Variants in TAB3 observed in about 807,000 individuals in gnomAD.
The protein encoded by TAB3 is TGF-beta activated kinase 1 (MAP3K7) binding protein 3, also known as TGF-beta-activated kinase 1 and MAP3K7-binding protein 3.
TAB3 carries 18 observed loss-of-function variants against 48.1 expected under a neutral mutation model. The ratio of observed to expected loss-of-function variants is 0.37; its 90% CI spans 0.26 to 0.55. The LOEUF (loss-of-function observed/expected upper bound fraction) is 0.55, where lower values mean the gene tolerates loss of function less well. TAB3 is among the 20% of genes least tolerant of loss of function. The probability of loss-of-function intolerance (pLI) is 0.78; values close to 1 mark genes in which losing one functional copy is unlikely to be tolerated. For synonymous variants in TAB3, 185 were observed against 190.2 expected (o/e 0.97, Z 0.22); for missense variants, 414 against 549.8 (o/e 0.75, Z 2.47).
rs201000757 is a variant in TAB3, at chrX:30,839,401, A to AT, written c.1888+3564dup. On this transcript the variant is annotated intron_variant, in intron 9 of 10. Coordinates refer to ENST00000288422, the MANE Select transcript of TAB3 (RefSeq NM_152787.5). ...TATATAGTGACTATAAGTCAATGAG[A>AT]TAGAAAACAGAATTATGGATTTTTT... is the stretch of plus-strand genomic sequence containing the variant. Among the ~76,000 whole-genome samples, 946 of 112,190 alleles carry AT rather than the reference A, an allele frequency of 8.4e-3. 5 individuals carry two copies. Among genetic ancestry groups the AT allele is most frequent in the African/African-American group, 0.029 (891 of 30,862 alleles).
At chrX:30,851,242 A>ACT (rs907089897) in intron 7 of TAB3, among the ~76,000 whole-genome samples, 1 of 111,208 alleles carries the variant, frequency 9.0e-6, no homozygotes, top group Non-Finnish European at 1.9e-5. Flanking sequence ...ATTTCTCAAG[A>ACT]CTCTCTCTCT....
intron 9 of TAB3, 64 bp from the exon 10 acceptor site, chrX:30,834,216 G>T (rs1601793596): frequency 1.7e-5 from 17 of 1,016,695 alleles, no homozygotes; most frequent in Middle Eastern, 2.7e-4. Flanking sequence ...GAGTGAACAG[G>T]CTCACAAGAT....
chrX:30,830,566 G>A lies in TAB3; in HGVS notation c.*861C>T, dbSNP rs1385247174. On this transcript the variant is annotated 3_prime_UTR_variant, in exon 11 of 11. Coordinates refer to ENST00000288422, the MANE Select transcript of TAB3 (RefSeq NM_152787.5). ...TTGGCATACATTCACTGTGCTACTG[G>A]CAAAGCGCAGTTTTACGAGAATATC... 8.9e-6 allele frequency: 1 copy of A among 112,374 alleles called. No individual in the cohort carries two copies. The highest frequency in any genetic ancestry group is 1.9e-5 in the Non-Finnish European group (1 of 53,235). The allele number at this position is 112,374 out of a possible 1,213,427, so 9.3% of individuals were successfully genotyped here. A position where few individuals can be genotyped will look rare whatever the true frequency, so the allele number is the denominator to read the frequency against.
At chrX:30,862,539 C>T (rs1283224333) in intron 4 of TAB3, among the ~76,000 whole-genome samples, 2 of 111,704 alleles carry the variant, frequency 1.8e-5, no homozygotes, top group Non-Finnish European at 3.8e-5. Context: ...CTTCAGAGAT[C>T]TTGAGAGCGG....
At chrX:30,847,656 T>C (rs1938674437) in intron 7 of TAB3, among the ~76,000 whole-genome samples, 1 of 111,032 alleles carries the variant, frequency 9.0e-6, no homozygotes, top group African/African-American at 3.3e-5. Context: ...TCTGCTACTA[T>C]AGGAAGACAG....
rs375736651 is a variant in TAB3, at chrX:30,843,070, T to A, written c.1805-21A>T. ...GTTTCCTATAAAGAAAGTAAATTCA[T>A]CAGGCATTTAAGAACTCTTTTTTCC... is the stretch of plus-strand genomic sequence containing the variant. On this transcript the variant is annotated intron_variant, in intron 8 of 10. Transcript: ENST00000288422. 7.3e-6 allele frequency: 7 copies of A among 956,271 alleles called. No homozygotes were observed. The African/African-American group carries it at 9.8e-5, about 13-fold the overall frequency. 78.8% of individuals were successfully genotyped at this position (956,271 alleles called of 1,213,427 possible).
At chrX:30,875,416 G>A (rs1939798492) in intron 1 of TAB3, among the ~76,000 whole-genome samples, 1 of 111,003 alleles carries the variant, frequency 9.0e-6, no homozygotes, top group Non-Finnish European at 1.9e-5. Context: ...AATGTTCATT[G>A]ATTAGGTTGT....
chrX:30,868,494 T>G lies in TAB3; in HGVS notation c.-279-945A>C. On this transcript the variant is annotated intron_variant, in intron 2 of 10. Transcript: ENST00000288422. ...TATATATATAGCTTATATATATATA[T>G]AGCTTATATATATATATATAGCTTA... Among the ~76,000 whole-genome samples, 2 of 16,388 alleles carry G rather than the reference T, an allele frequency of 1.2e-4. 1 individual carries two copies. Among genetic ancestry groups the G allele is most frequent in the Non-Finnish European group, 1.9e-4 (2 of 10,321 alleles). The allele number at this position is 16,388 out of a possible 115,157, so 14.2% of individuals were successfully genotyped here.
chrX:30,859,747 A>G, intron 4 of TAB3, 69 bp from the exon 5 acceptor site: 2 of 447,548 alleles, frequency 4.5e-6, no homozygotes, highest in African/African-American at 2.5e-5. Flanking sequence ...TATTGATCCT[A>G]TACATCTCAG....
Position 30,852,771 on chromosome X carries a change from C to T in TAB3, c.1710+7G>A, listed in dbSNP as rs1938904957. The T allele has an allele frequency of 1.7e-6, 2 of 1,207,293 alleles. No individual in the cohort carries two copies. Among genetic ancestry groups the T allele is most frequent in the East Asian group, 5.9e-5 (2 of 33,767 alleles). ...CTCCTATTAACACATCCTAACAGAT[C>T]ACTTACCGTAGGGATCGCAGTGGTG... On this transcript the variant is annotated splice_region_variant and intron_variant, in intron 7 of 10. Coordinates refer to ENST00000288422, the MANE Select transcript of TAB3 (RefSeq NM_152787.5).
chrX:30,829,714 C>T lies in TAB3; in HGVS notation c.*1713G>A, dbSNP rs1369706022. On this transcript the variant is annotated 3_prime_UTR_variant, in exon 11 of 11. Transcript: ENST00000288422. The stretch of plus-strand genomic sequence containing the variant: ...CACATATGAAAAAATGTTTTCAAAG[C>T]TGTAGGCAGAGTGTGAAATGATTCT... 9.0e-6 allele frequency: 1 copy of T among 110,777 alleles called. No individual in the cohort carries two copies. The highest frequency in any genetic ancestry group is 1.9e-5 in the Non-Finnish European group (1 of 52,917). 9.1% of individuals were successfully genotyped at this position (110,777 alleles called of 1,213,427 possible). A position where few individuals can be genotyped will look rare whatever the true frequency, so the allele number is the denominator to read the frequency against.
At chrX:30,848,969 C>T (rs1216524639) in intron 7 of TAB3, among the ~76,000 whole-genome samples, 1 of 110,996 alleles carries the variant, frequency 9.0e-6, no homozygotes, top group Non-Finnish European at 1.9e-5. Context: ...TGGCAGCTTT[C>T]TGCATATTAA....
chrX:30,847,797 G>C (rs959527460), intron 7 of TAB3, among the ~76,000 whole-genome samples: 1 of 111,414 alleles, frequency 9.0e-6, no homozygotes, highest in Non-Finnish European at 1.9e-5. Flanking sequence ...CAGAGTAACT[G>C]AGAATGCCCA....
At chrX:30,868,538 TTATA>T (rs1223730766) in intron 2 of TAB3, among the ~76,000 whole-genome samples, 8 of 2,235 alleles carry the variant, frequency 3.6e-3, no homozygotes, top group South Asian at 0.017. Context: ...TATATATAGC[TTATA>T]TATATATATA....
intron 1 of TAB3, among the ~76,000 whole-genome samples, chrX:30,879,714 T>C (rs959724895): frequency 9.0e-6 from 1 of 111,658 alleles, no homozygotes; most frequent in African/African-American, 3.2e-5. Flanking sequence ...TTACTACTTC[T>C]ATTCTGCATT....
chrX:30,848,137 T>C (rs765833075), intron 7 of TAB3, among the ~76,000 whole-genome samples: 7 of 111,937 alleles, frequency 6.3e-5, no homozygotes, highest in Non-Finnish European at 1.3e-4. Flanking sequence ...ATCTATTCCA[T>C]AGGTTTTAGG....
chrX:30,841,674 G>A (rs1165707994), intron 9 of TAB3, among the ~76,000 whole-genome samples: 1 of 111,366 alleles, frequency 9.0e-6, no homozygotes, highest in African/African-American at 3.3e-5. Context: ...ATACTCTCTG[G>A]TAATTTTTTT....
At chrX:30,832,257 C>A (rs775113718) in intron 10 of TAB3, among the ~76,000 whole-genome samples, 8 of 112,197 alleles carry the variant, frequency 7.1e-5, no homozygotes, top group African/African-American at 1.9e-4. Flanking sequence ...CCATACCTGG[C>A]AACCTTATGT....
rs1425193858 is a variant in TAB3 at position 30,854,658 on chromosome X, C to T, written c.1007G>A (p.Gly336Glu). The change falls in exon 6 of 11, where the codon GGA becomes GAA. Residue 336 changes from glycine (G) to glutamate (E), a missense_variant. By Grantham distance (98) the Gly-to-Glu change is moderately conservative (BLOSUM62 -2). Coordinates refer to ENST00000288422, the MANE Select transcript of TAB3 (RefSeq NM_152787.5). ...TCCCTGTTTCTGATAGCTAGGAGGT[C>T]CTTGTTGATATGGATGGGGTGGAGT... Reference protein sequence around the residue: ...STTPPHPYQQGPPSYQKQGSH... With the variant: ...STTPPHPYQQEPPSYQKQGSH... The T allele has an allele frequency of 8.3e-7, 1 of 1,210,802 alleles. No individual in the cohort carries two copies. Among genetic ancestry groups the T allele is most frequent in the Admixed American group, 2.2e-5 (1 of 45,976 alleles).
Sources: gnomAD v4.1 joint callset for allele counts (sites outside exome capture counted in the v4.1 genomes callset) on GRCh38, gnomAD v4.1.1 for gene constraint, MANE v1.5 for transcripts, NCBI Gene and HGNC (gene_info 2026-07-23, HGNC 2026-07-21) for gene names.